Variants in MTSS2 observed in about 807,000 individuals in gnomAD.
MTSS2 encodes protein MTSS 2.
MTSS2 carries 27 observed loss-of-function variants against 67.1 expected under a neutral mutation model. The ratio of observed to expected loss-of-function variants is 0.40; its 90% CI spans 0.30 to 0.55. The LOEUF is 0.55. MTSS2 is among the 20% of genes least tolerant of loss of function. The pLI is 0.43. For synonymous variants in MTSS2, 624 were observed against 468.6 expected (o/e 1.33, Z -4.28); for missense variants, 1,171 against 1,067.8 (o/e 1.10, Z -1.35).
chr16:70,667,309 T>C (rs1035055303), intron 11 of MTSS2, among the ~76,000 whole-genome samples: 2 of 140,208 alleles, frequency 1.4e-5, no homozygotes, highest in African/African-American at 5.3e-5. Context: ...AATCACTATT[T>C]ACAAGTAACA....
In MTSS2 at chr16:70,665,074, T is replaced by C. The variant is rs369376954; in HGVS notation, c.1151A>G (p.His384Arg). 18 of 1,597,388 alleles carry C rather than the reference T, an allele frequency of 1.1e-5. No individual in the cohort carries two copies. The highest frequency in any genetic ancestry group is 1.4e-5 in the Non-Finnish European group (17 of 1,179,612). The part of the protein sequence containing the change: ...PTSDWSKVGS[H>R]EQPSGATLQR... ...CAGAGTGGCGCCTGAGGGCTGCTCA[T>C]GGGAGCCGACCTTGGACCAGTCCTG... The change falls in exon 13 of 15, where the codon CAT becomes CGT. Residue 384 changes from histidine (H) to arginine (R), a missense_variant. His to Arg is a conservative substitution (Grantham distance 29). Coordinates refer to ENST00000338779, the MANE Select transcript of MTSS2 (RefSeq NM_138383.3).
rs569868737 is a variant in MTSS2 at position 70,670,445 on chromosome 16, T to C, written c.1053+3861A>G. Among the ~76,000 whole-genome samples the C allele has an allele frequency of 2.6e-5, 4 of 152,308 alleles. No individual in the cohort carries two copies. In the South Asian group the frequency reaches 8.3e-4, roughly 32 times the overall value. ...GAATGTGCCCCACAGAACTGCATACTAGAATGTTCACAGCAGCACTATTAG... is the reference window on the plus strand; with the variant it reads ...GAATGTGCCCCACAGAACTGCATACCAGAATGTTCACAGCAGCACTATTAG... On this transcript the variant is annotated intron_variant, in intron 11 of 14. Transcript: ENST00000338779.
chr16:70,675,506 G>C (rs2053088825), intron 10 of MTSS2, among the ~76,000 whole-genome samples: 1 of 152,152 alleles, frequency 6.6e-6, no homozygotes, highest in Admixed American at 6.5e-5. Flanking sequence ...ATATCCTAAA[G>C]AATATATCTT....
At chr16:70,674,249 A>C (rs908071092) in intron 11 of MTSS2, 57 bp downstream of exon 11, 1 of 1,535,340 alleles carries the variant, frequency 6.5e-7, no homozygotes, top group African/African-American at 1.4e-5. Flanking sequence ...GGCTTGCCTG[A>C]TGCTGGCATA....
intron 11 of MTSS2, among the ~76,000 whole-genome samples, chr16:70,672,395 G>T (rs1256611988): frequency 6.7e-6 from 1 of 150,140 alleles, no homozygotes; most frequent in African/African-American, 2.4e-5. Flanking sequence ...CATTATGTAG[G>T]GTCCTGAATT....
intron 1 of MTSS2, among the ~76,000 whole-genome samples, chr16:70,682,235 G>C (rs1415545967): frequency 2.0e-5 from 3 of 152,194 alleles, no homozygotes; most frequent in Non-Finnish European, 4.4e-5. Context: ...AGCAAGAGTG[G>C]GTAAGCTGTG....
rs1251714559 is a variant in MTSS2 at position 70,661,632 on chromosome 16, C to A, written c.*2045G>T. On this transcript the variant is annotated 3_prime_UTR_variant, in exon 15 of 15. Transcript: ENST00000338779. ...CTATGAGGTGGTTGCTAAGTCGACG[C>A]AAGGGCGGCGGGGGTGGTCTCAGGG... The A allele has an allele frequency of 3.0e-6, 1 of 335,594 alleles. No homozygotes were observed. The highest frequency in any genetic ancestry group is 2.2e-5 in the African/African-American group (1 of 45,778). 20.8% of individuals were successfully genotyped at this position (335,594 alleles called of 1,614,324 possible). A position where few individuals can be genotyped will look rare whatever the true frequency, so the allele number is the denominator to read the frequency against.
At position 70,665,087 on chromosome 16, in the gene MTSS2, T is replaced by C; in HGVS notation, c.1138A>G (p.Lys380Glu). The stretch of plus-strand genomic sequence containing the variant: ...GAGGGCTGCTCATGGGAGCCGACCT[T>C]GGACCAGTCCTGCAGGGAGGGTGTG... ...ECSSPTSDWSKVGSHEQPSGA... is the reference protein window; with the variant it reads ...ECSSPTSDWSEVGSHEQPSGA... Residue 380 changes from lysine (K) to glutamate (E), a missense_variant, in exon 13 of 15, where the codon AAG becomes GAG. Around this residue, in one of 2 missense-constraint regions of MTSS2, gnomAD observed 924 missense variants for 756.0 expected, o/e 1.22. Transcript: ENST00000338779. 1 of 1,596,478 alleles carries C rather than the reference T, an allele frequency of 6.3e-7. No homozygotes were observed. The highest frequency in any genetic ancestry group is 8.5e-7 in the Non-Finnish European group (1 of 1,179,158).
rs756602279 is a variant in MTSS2 at position 70,664,702 on chromosome 16, C to T, written c.1367G>A (p.Ser456Asn). 7 of 1,613,244 alleles carry T rather than the reference C, an allele frequency of 4.3e-6. No homozygotes were observed. The South Asian group carries it at 5.5e-5, about 13-fold the overall frequency. ...DLAMVLTRGLSLEHQKSSRDS... is the reference protein window; with the variant it reads ...DLAMVLTRGLNLEHQKSSRDS... ...CCGGCTGCTCTTCTGGTGCTCCAGG[C>T]TCAGGCCCCGCGTCAGCACCATGGC... The change falls in exon 14 of 15, where the codon AGC becomes AAC. Residue 456 changes from serine (S) to asparagine (N), a missense_variant. Coordinates refer to ENST00000338779, the MANE Select transcript of MTSS2 (RefSeq NM_138383.3).
chr16:70,678,029 G>C lies in MTSS2; in HGVS notation c.625-130C>G, dbSNP rs1287217769. The C allele has an allele frequency of 4.1e-6, 4 of 968,554 alleles. No individual in the cohort carries two copies. The East Asian group carries it at 7.9e-5, about 19-fold the overall frequency. 60.0% of individuals were successfully genotyped at this position (968,554 alleles called of 1,614,324 possible). ...CCCTCCTCGCTAACCAATGCTGCTC[G>C]GGGCTGGTGCAGGTGGGGCCCACAC... On this transcript the variant is annotated intron_variant, in intron 8 of 14. Coordinates refer to ENST00000338779, the MANE Select transcript of MTSS2 (RefSeq NM_138383.3).
chr16:70,665,448 C>G lies in MTSS2; in HGVS notation c.1128+18G>C, dbSNP rs988654405. On this transcript the variant is annotated intron_variant, in intron 12 of 14. Coordinates refer to ENST00000338779, the MANE Select transcript of MTSS2 (RefSeq NM_138383.3). ...GGGCAGCTGGTGACTGTCCTGGGGC[C>G]GGGCTGGGAGCACTGACCGAGGTGG... 7 of 1,548,326 alleles carry G rather than the reference C, an allele frequency of 4.5e-6. No homozygotes were observed. In the African/African-American group the frequency reaches 6.8e-5, roughly 15 times the overall value.
chr16:70,665,112 G>C lies in MTSS2; in HGVS notation c.1129-16C>G, dbSNP rs2052657191. 1 of 1,583,114 alleles carries C rather than the reference G, an allele frequency of 6.3e-7. No individual in the cohort carries two copies. Reference sequence around the variant, plus strand: ...TGGACCAGTCCTGCAGGGAGGGTGTGGCAGGTCAGGGGGACCACTGGCCCT... The same window carrying C: ...TGGACCAGTCCTGCAGGGAGGGTGTCGCAGGTCAGGGGGACCACTGGCCCT... On this transcript the variant is annotated splice_polypyrimidine_tract_variant and intron_variant, in intron 12 of 14. Coordinates refer to ENST00000338779, the MANE Select transcript of MTSS2 (RefSeq NM_138383.3).
intron 11 of MTSS2, among the ~76,000 whole-genome samples, chr16:70,669,194 G>A (rs778263321): frequency 2.0e-5 from 3 of 151,944 alleles, no homozygotes; most frequent in Non-Finnish European, 2.9e-5. Flanking sequence ...AGAACTTCTG[G>A]TCATTAAAAG....
chr16:70,663,961 C>A lies in MTSS2; in HGVS notation c.1960G>T (p.Gly654Trp), dbSNP rs766953269. The A allele has an allele frequency of 6.4e-7, 1 of 1,567,092 alleles. No homozygotes were observed. The highest frequency in any genetic ancestry group is 8.6e-7 in the Non-Finnish European group (1 of 1,158,080). ...AWGSPSPEAA[G>W]YPGAGAEDEQ... ...TCCTCGGCCCCTGCCCCGGGGTACC[C>A]GGCTGCCTCTGGGGATGGGCTGCCC... The change falls in exon 15 of 15, where the codon GGG becomes TGG. Residue 654 changes from glycine (G) to tryptophan (W), a missense_variant. Gly to Trp is a radical substitution (Grantham distance 184, BLOSUM62 -2). Around this residue, in one of 2 missense-constraint regions of MTSS2, gnomAD observed 924 missense variants for 756.0 expected, o/e 1.22. Transcript: ENST00000338779.
At chr16:70,664,501 C>T (rs1490212597) in intron 14 of MTSS2, 52 bp from the exon 15 acceptor site, 1 of 1,549,182 alleles carries the variant, frequency 6.5e-7, no homozygotes, top group Admixed American at 1.8e-5. Context: ...CCCTTGCCCC[C>T]AGCCCACCAG....
intron 11 of MTSS2, among the ~76,000 whole-genome samples, chr16:70,668,726 T>G (rs1195172027): frequency 6.6e-6 from 1 of 152,162 alleles, no homozygotes; most frequent in African/African-American, 2.4e-5. Context: ...AAAAGAGGTT[T>G]AAGGGAGCTA....
chr16:70,684,363 C>A (rs1422436553), intron 1 of MTSS2, among the ~76,000 whole-genome samples: 20 of 151,820 alleles, frequency 1.3e-4, no homozygotes, highest in Non-Finnish European at 2.2e-4. Flanking sequence ...GGGGAGTGCA[C>A]CATGAGGGGC....
At chr16:70,672,165 C>A (rs141102462) in intron 11 of MTSS2, among the ~76,000 whole-genome samples, 2 of 151,880 alleles carry the variant, frequency 1.3e-5, no homozygotes, top group African/African-American at 2.4e-5. Flanking sequence ...CTGACCAACA[C>A]GGTGAAACCC....
Position 70,663,975 on chromosome 16 carries a change from G to T in MTSS2, c.1946C>A (p.Ser649Tyr). The T allele has an allele frequency of 6.3e-7, 1 of 1,578,958 alleles. No homozygotes were observed. The highest frequency in any genetic ancestry group is 1.2e-5 in the South Asian group (1 of 86,916). Residue 649 changes from serine to tyrosine, a missense_variant, in exon 15 of 15, where the codon TCC becomes TAC. Ser to Tyr is a moderately radical substitution (Grantham distance 144). Coordinates refer to ENST00000338779, the MANE Select transcript of MTSS2 (RefSeq NM_138383.3). ...SLPNTAWGSP[S>Y]PEAAGYPGAG... ...CCCGGGGTACCCGGCTGCCTCTGGG[G>T]ATGGGCTGCCCCAGGCTGTGTTGGG...
Sources: gnomAD v4.1 joint callset for allele counts (sites outside exome capture counted in the v4.1 genomes callset) on GRCh38, gnomAD v4.1.1 for gene constraint, gnomAD v4.1.1 regional missense constraint, MANE v1.5 for transcripts, NCBI Gene and HGNC (gene_info 2026-07-23, HGNC 2026-07-21) for gene names.